Variants in RYR2 observed in about 807,000 individuals in gnomAD.
RYR2 encodes cardiac muscle ryanodine receptor-calcium release channel.
A neutral mutation model predicts 601.1 loss-of-function variants in RYR2; 227 were observed. The ratio of observed to expected loss-of-function variants is 0.38; its 90% CI spans 0.34 to 0.42. The LOEUF (loss-of-function observed/expected upper bound fraction) is 0.42, where lower values mean the gene tolerates loss of function less well. Ranked by LOEUF, RYR2 falls within the 10% of genes least tolerant of loss-of-function variation. RYR2 has a pLI of 1.00. For synonymous variants in RYR2, 2,223 were observed against 2,175.1 expected, an observed-to-expected ratio of 1.02 and a Z score of -0.61; for missense variants, 4,646 against 6,156.5, an observed-to-expected ratio of 0.75 and a Z score of 8.21.
At chr1:237,473,157 C>A (rs1660928379) in intron 17 of RYR2, among the ~76,000 whole-genome samples, 1 of 152,040 alleles carries the variant, frequency 6.6e-6, no homozygotes, top group Non-Finnish European at 1.5e-5. Flanking sequence ...GGTGTGGTGG[C>A]TCACACCTGT....
At chr1:237,709,599 A>G (rs1428690963) in intron 70 of RYR2, 32 bp downstream of exon 70, 4 of 1,427,696 alleles carry the variant, frequency 2.8e-6, no homozygotes, top group Admixed American at 3.7e-5. Flanking sequence ...GATCACGCCT[A>G]CTGTTTGTAG....
In RYR2 at chr1:237,042,384, G is replaced by T; in HGVS notation, c.-138G>T. On this transcript the variant is annotated 5_prime_UTR_variant, in exon 1 of 105. Coordinates refer to ENST00000366574, the MANE Select transcript of RYR2 (RefSeq NM_001035.3). ...TCCGCTCTGCAGGCGGGGACCGCCC[G>T]GCGCTCGGCACCCGGCAGCGCGGCC... 1 of 854,576 alleles carries T rather than the reference G, an allele frequency of 1.2e-6. No homozygotes were observed. Among genetic ancestry groups the T allele is most frequent in the African/African-American group, 1.8e-5 (1 of 56,016 alleles). 52.9% of individuals were successfully genotyped at this position (854,576 alleles called of 1,614,324 possible).
intron 1 of RYR2, among the ~76,000 whole-genome samples, chr1:237,209,625 G>A (rs930128777): frequency 1.4e-4 from 21 of 152,106 alleles, no homozygotes; most frequent in African/African-American, 5.1e-4. Flanking sequence ...GGCTGAGGCA[G>A]GCGGATCACT....
intron 1 of RYR2, among the ~76,000 whole-genome samples, chr1:237,112,137 G>A (rs1476952167): frequency 5.9e-5 from 9 of 152,062 alleles, no homozygotes; most frequent in Admixed American, 4.6e-4. Flanking sequence ...TGTTTGAGAT[G>A]GAGTTTTGCT....
At chr1:237,443,282 T>C (rs1159545426) in intron 13 of RYR2, among the ~76,000 whole-genome samples, 1 of 152,150 alleles carries the variant, frequency 6.6e-6, no homozygotes, top group Admixed American at 6.6e-5. Context: ...GCTGGTTTAT[T>C]ATCTCAGCAT....
intron 100 of RYR2, among the ~76,000 whole-genome samples, chr1:237,812,894 GTT>G (rs34829137): frequency 0.56 from 83,733 of 148,242 alleles, 23,632 homozygotes; most frequent in East Asian, 0.86. Flanking sequence ...AAATGTATAA[GTT>G]TTTTTTTTTT....
At chr1:237,053,676 C>T (rs558680599) in intron 1 of RYR2, among the ~76,000 whole-genome samples, 12 of 152,236 alleles carry the variant, frequency 7.9e-5, no homozygotes, top group South Asian at 4.1e-4. Flanking sequence ...CTTATATCCA[C>T]GCTTGTCCTG....
Position 237,756,109 on chromosome 1 carries a change from GA to G in RYR2, c.11146-170del, listed in dbSNP as rs35560079. Among the ~76,000 whole-genome samples the G allele has an allele frequency of 0.62, 93,754 of 151,260 alleles. 29,474 individuals are homozygous for G. The highest frequency in any genetic ancestry group is 0.65 in the Non-Finnish European group (43,964 of 67,806). On this transcript the variant is annotated intron_variant, in intron 80 of 104. Transcript: ENST00000366574. ...ACATATCAAGAAAACTATAAAGGGG[GA>G]AAAAAAAACAATAGTTGAATATGTT...
chr1:237,441,889 C>T (rs1294972887), intron 13 of RYR2, among the ~76,000 whole-genome samples: 1 of 151,380 alleles, frequency 6.6e-6, no homozygotes, highest in South Asian at 2.1e-4. Flanking sequence ...AAGGAGGGGG[C>T]GGGGTCAGAA....
At chr1:237,755,668 A>G (rs1692890643) in intron 80 of RYR2, among the ~76,000 whole-genome samples, 1 of 152,236 alleles carries the variant, frequency 6.6e-6, no homozygotes, top group African/African-American at 2.4e-5. Flanking sequence ...CTCCAGCAGT[A>G]CCATGCAGTA....
intron 1 of RYR2, among the ~76,000 whole-genome samples, chr1:237,115,873 CA>C (rs1670023380): frequency 6.6e-6 from 1 of 151,928 alleles, no homozygotes; most frequent in Admixed American, 6.6e-5. Flanking sequence ...GTGATGTTAA[CA>C]AATTGCCCTA....
chr1:237,579,266 T>C (rs1377996076), intron 29 of RYR2, among the ~76,000 whole-genome samples: 2 of 146,850 alleles, frequency 1.4e-5, no homozygotes, highest in African/African-American at 5.0e-5. Flanking sequence ...TTTTTTTTTT[T>C]TTTTTTTGAG....
At chr1:237,100,374 T>C (rs935754666) in intron 1 of RYR2, among the ~76,000 whole-genome samples, 6 of 145,372 alleles carry the variant, frequency 4.1e-5, no homozygotes, top group African/African-American at 1.5e-4. Flanking sequence ...CTTCCTCTTC[T>C]TCTTTTTTTT....
intron 50 of RYR2, among the ~76,000 whole-genome samples, chr1:237,651,006 C>T (rs1682677670): frequency 6.6e-6 from 1 of 152,226 alleles, no homozygotes; most frequent in Admixed American, 6.5e-5. Context: ...GCTGTCTCAG[C>T]CTTTTTTTCC....
chr1:237,634,890 C>T lies in RYR2; in HGVS notation c.6690C>T (p.Ala2230=), dbSNP rs1558107135. The change falls in exon 44 of 105, where the codon GCC becomes GCT. Residue 2230 remains alanine, a splice_region_variant and synonymous_variant. Transcript: ENST00000366574. ...YLLENSSVGL[A]SPAMRGSTPL... ...TTTCATCTTCATTTGAATTAATAGC[C>T]TCCCCAGCTATGAGAGGTTCAACAC... The T allele has an allele frequency of 1.2e-6, 2 of 1,602,004 alleles. No homozygotes were observed. Among genetic ancestry groups the T allele is most frequent in the Non-Finnish European group, 8.5e-7 (1 of 1,173,714 alleles).
At chr1:237,243,266 A>T (rs1182878089) in intron 1 of RYR2, among the ~76,000 whole-genome samples, 3 of 152,118 alleles carry the variant, frequency 2.0e-5, no homozygotes, top group African/African-American at 7.2e-5. Context: ...CAGTCCCCAC[A>T]AGCCCCCAGT....
intron 34 of RYR2, among the ~76,000 whole-genome samples, chr1:237,598,565 G>A (rs1045369092): frequency 6.6e-6 from 1 of 152,056 alleles, no homozygotes; most frequent in African/African-American, 2.4e-5. Flanking sequence ...AATAACCAGT[G>A]GGTAAATGAA....
At chr1:237,341,344 C>G (rs1697753069) in intron 3 of RYR2, among the ~76,000 whole-genome samples, 1 of 152,140 alleles carries the variant, frequency 6.6e-6, no homozygotes, top group South Asian at 2.1e-4. Context: ...CAGCCATTCT[C>G]AAACATTTTT....
intron 2 of RYR2, among the ~76,000 whole-genome samples, chr1:237,323,771 A>G (rs536907923): frequency 3.9e-5 from 6 of 152,150 alleles, no homozygotes; most frequent in Admixed American, 3.9e-4. Flanking sequence ...TCTCACCTGG[A>G]CCTTTCTATT....
Sources: gnomAD v4.1 joint callset for allele counts (sites outside exome capture counted in the v4.1 genomes callset) on GRCh38, gnomAD v4.1.1 for gene constraint, MANE v1.5 for transcripts, NCBI Gene and HGNC (gene_info 2026-07-23, HGNC 2026-07-21) for gene names.